ANK2: variants seen among roughly 807,000 people sequenced by gnomAD.
ANK2 encodes the protein ankyrin-2.
A neutral mutation model predicts 360.5 loss-of-function variants in ANK2; 83 were observed. That is an observed-to-expected ratio of 0.23 (90% CI 0.19 to 0.28). The LOEUF (loss-of-function observed/expected upper bound fraction) is 0.28. ANK2 is among the 10% of genes least tolerant of loss of function. The pLI, the probability that ANK2 is intolerant of heterozygous loss-of-function variation, is 1.00. For synonymous variants in ANK2, 1,740 were observed against 1,759.5 expected (o/e 0.99, Z 0.28); for missense variants, 4,201 against 4,795.7 (o/e 0.88, Z 3.66).
At chr4:113,290,162 G>GTTTTTTTTTTT (rs201484217) in intron 20 of ANK2, among the ~76,000 whole-genome samples, 1 of 144,450 alleles carries the variant, frequency 6.9e-6, no homozygotes, top group African/African-American at 2.5e-5. Context: ...TATCATTTCA[G>GTTTTTTTTTTT]TTTTTTTTGT....
chr4:113,082,285 T>G (rs2082705377), intron 1 of ANK2, among the ~76,000 whole-genome samples: 1 of 152,268 alleles, frequency 6.6e-6, no homozygotes, highest in East Asian at 1.9e-4. Context: ...TAAAAACGCC[T>G]TCCTATTTCA....
At chr4:113,278,185 T>G (rs1014964652) in intron 16 of ANK2, among the ~76,000 whole-genome samples, 2 of 152,210 alleles carry the variant, frequency 1.3e-5, no homozygotes, top group African/African-American at 4.8e-5. Flanking sequence ...GAAGAATCCC[T>G]GCAATGTTAA....
At chr4:113,103,625 C>T (rs1278165922) in intron 1 of ANK2, among the ~76,000 whole-genome samples, 7 of 152,076 alleles carry the variant, frequency 4.6e-5, no homozygotes, top group Non-Finnish European at 1.0e-4. Flanking sequence ...TAAAAGACTG[C>T]TTTTGTACTT....
At chr4:112,893,280 A>T (rs986954420) in intron 1 of ANK2, among the ~76,000 whole-genome samples, 1 of 152,144 alleles carries the variant, frequency 6.6e-6, no homozygotes, top group African/African-American at 2.4e-5. Context: ...CAGCATCCCA[A>T]GTAGGCTGGG....
chr4:113,106,309 CAAAA>C (rs2093622660), intron 1 of ANK2, among the ~76,000 whole-genome samples: 1 of 152,098 alleles, frequency 6.6e-6, no homozygotes, highest in South Asian at 2.1e-4. Flanking sequence ...ACACACATGA[CAAAA>C]AAATTCAGAT....
intron 1 of ANK2, among the ~76,000 whole-genome samples, chr4:112,895,275 A>G (rs1178799549): frequency 1.3e-5 from 2 of 152,238 alleles, no homozygotes; most frequent in Admixed American, 6.5e-5. Context: ...GCCTAATACC[A>G]CAGTGGATGA....
the ANK2 span, among the ~76,000 whole-genome samples, chr4:112,781,580 A>G: frequency 6.6e-6 from 1 of 152,136 alleles, no homozygotes; most frequent in East Asian, 1.9e-4. Flanking sequence ...TTGTCAATCA[A>G]TTGTAAAGCA....
the ANK2 span, among the ~76,000 whole-genome samples, chr4:112,804,014 G>GTT: frequency 7.7e-5 from 11 of 142,722 alleles, no homozygotes; most frequent in South Asian, 2.2e-4. Context: ...CAATCTCACG[G>GTT]TTTTTTTTTT....
chr4:113,106,022 T>C (rs2093587712), intron 1 of ANK2, among the ~76,000 whole-genome samples: 1 of 152,152 alleles, frequency 6.6e-6, no homozygotes. Context: ...TCAATTCCTA[T>C]TTTTACTCAA....
intron 2 of ANK2, among the ~76,000 whole-genome samples, chr4:112,996,153 G>T (rs996965657): frequency 6.6e-6 from 1 of 152,138 alleles, no homozygotes; most frequent in African/African-American, 2.4e-5. Context: ...TCAAAATAAT[G>T]ATCTAGGTGA....
intron 1 of ANK2, among the ~76,000 whole-genome samples, chr4:112,824,653 G>A (rs1024293540): frequency 6.6e-6 from 1 of 151,790 alleles, no homozygotes; most frequent in Non-Finnish European, 1.5e-5. Context: ...ACAGACATGC[G>A]CCACCACACC....
At chr4:113,346,727 T>C (rs886091563) in intron 35 of ANK2, among the ~76,000 whole-genome samples, 1 of 152,182 alleles carries the variant, frequency 6.6e-6, no homozygotes, top group Admixed American at 6.5e-5. Context: ...GTAAAAAACA[T>C]ATCGCCATGT....
At chr4:113,152,082 A>G (rs1322318843) in intron 1 of ANK2, among the ~76,000 whole-genome samples, 4 of 75,168 alleles carry the variant, frequency 5.3e-5, no homozygotes, top group Non-Finnish European at 7.9e-5. Context: ...AAAAAAAGAA[A>G]AAAAAAAAAA....
At chr4:112,910,999 A>C (rs572183880) in intron 2 of ANK2, among the ~76,000 whole-genome samples, 127 of 138,940 alleles carry the variant, frequency 9.1e-4, no homozygotes, top group African/African-American at 3.3e-3. Flanking sequence ...CGCTCTGTCG[A>C]CAGGCTGGAG....
intron 2 of ANK2, among the ~76,000 whole-genome samples, chr4:113,015,158 A>G (rs1295047671): frequency 1.3e-5 from 2 of 152,124 alleles, no homozygotes; most frequent in African/African-American, 4.8e-5. Flanking sequence ...GCGCCCGGCC[A>G]GAGCTTTTTA....
chr4:113,176,128 A>G (rs1478260930), intron 2 of ANK2, among the ~76,000 whole-genome samples: 1 of 152,182 alleles, frequency 6.6e-6, no homozygotes, highest in African/African-American at 2.4e-5. Context: ...ATGTATGGGC[A>G]TCCATCATTG....
intron 1 of ANK2, chr4:112,827,257 A>G (rs1018094016): frequency 2.8e-6 from 3 of 1,065,510 alleles, no homozygotes; most frequent in Non-Finnish European, 4.4e-6. Context: ...AGAAAGAGAA[A>G]TGTTACTTAA....
the ANK2 span, among the ~76,000 whole-genome samples, chr4:112,720,031 A>T: frequency 6.6e-6 from 1 of 152,196 alleles, no homozygotes; most frequent in African/African-American, 2.4e-5. Context: ...TGTACTTATT[A>T]TCATGACTTA....
At chr4:112,782,802 G>A in the ANK2 span, among the ~76,000 whole-genome samples, 1 of 152,046 alleles carries the variant, frequency 6.6e-6, no homozygotes, top group African/African-American at 2.4e-5. Context: ...CTGGGAGGTG[G>A]AGGTTGCAGT....
Sources: allele counts gnomAD v4.1 joint callset (sites outside exome capture counted in the v4.1 genomes callset), GRCh38; gene constraint gnomAD v4.1.1; transcripts MANE v1.5; gene names NCBI Gene and HGNC (gene_info 2026-07-23, HGNC 2026-07-21).